CCSER1: variants seen among roughly 807,000 people sequenced by gnomAD.
CCSER1 encodes the protein coiled-coil serine rich protein 1.
A neutral mutation model predicts 82.0 loss-of-function variants in CCSER1; 41 were observed. The observed-to-expected ratio is 0.50, with a 90% CI of 0.39 to 0.65. The LOEUF (loss-of-function observed/expected upper bound fraction) is 0.65. Among genes scored for constraint, CCSER1 ranks in the 30% least tolerant of loss-of-function variants. The pLI is 0.00. For missense variants in CCSER1, 1,119 were observed against 1,064.2 expected (o/e 1.05, Z -0.72); for synonymous variants, 414 against 383.9 (o/e 1.08, Z -0.92).
rs545093832 is a variant in CCSER1 at position 90,412,474 on chromosome 4, A to AAT, written c.1603+12346_1603+12347insTA. On this transcript the variant is annotated intron_variant, in intron 4 of 10. Coordinates refer to ENST00000509176, the MANE Select transcript of CCSER1 (RefSeq NM_001145065.2). ...AAAACTTAAAGTATAATAATAATAAAAAAAAGAATTTTGAATGTTAAAAAA... is the reference window on the plus strand; with the variant it reads ...AAAACTTAAAGTATAATAATAATAAAATAAAAAGAATTTTGAATGTTAAAAAA... Among the ~76,000 whole-genome samples, 1,514 of 152,020 alleles carry AAT rather than the reference A, an allele frequency of 1.0e-2. 15 individuals are homozygous for AAT. The highest frequency in any genetic ancestry group is 0.03 in the South Asian group (144 of 4,820).
intron 9 of CCSER1, among the ~76,000 whole-genome samples, chr4:91,081,648 G>A (rs573231586): frequency 6.6e-6 from 1 of 152,280 alleles, no homozygotes; most frequent in Non-Finnish European, 1.5e-5. Context: ...TGACATGATT[G>A]TATATTTAGA....
rs767382455 is a variant in CCSER1, at chr4:90,614,315, T to C, written c.1725-13710T>C. Reference sequence around the variant, plus strand: ...CCCTATTCCCTAAGACACAACAATATTGAAATTAGATCAATTCTACAATGC... The same window carrying C: ...CCCTATTCCCTAAGACACAACAATACTGAAATTAGATCAATTCTACAATGC... On this transcript the variant is annotated intron_variant, in intron 5 of 10. Coordinates refer to ENST00000509176, the MANE Select transcript of CCSER1 (RefSeq NM_001145065.2). 2.0e-5 allele frequency among the ~76,000 whole-genome samples: 3 copies of C among 152,122 alleles called. No individual in the cohort carries two copies. The East Asian group carries it at 5.8e-4, about 29-fold the overall frequency.
rs1442252954 is a variant in CCSER1, at chr4:91,285,955, C to T, written c.2217+199961C>T. Among the ~76,000 whole-genome samples the T allele has an allele frequency of 3.3e-5, 5 of 150,822 alleles. No homozygotes were observed. In the East Asian group the frequency reaches 9.7e-4, roughly 29 times the overall value. On this transcript the variant is annotated intron_variant, in intron 10 of 10. Coordinates refer to ENST00000509176, the MANE Select transcript of CCSER1 (RefSeq NM_001145065.2). The stretch of plus-strand genomic sequence containing the variant: ...GAAATTTTATAGTTGGTTCTTGATT[C>T]TAGCGTGTTTGTTTTGTTTTTTTTT...
chr4:90,312,883 C>A lies in CCSER1; in HGVS notation c.1345C>A (p.Pro449Thr), dbSNP rs1735554125. ...CATAGTTCTTGCCAGTAGTCTCAGT[C>A]CATTTCGTGAAGGAAGATTTATAGA... The part of the protein sequence containing the change: ...PAKVLASSLS[P>T]FREGRFIERR... Residue 449 changes from proline (P) to threonine (T), a missense_variant, in exon 3 of 11, where the codon CCA becomes ACA. Pro to Thr is a conservative substitution (Grantham distance 38). Coordinates refer to ENST00000509176, the MANE Select transcript of CCSER1 (RefSeq NM_001145065.2). 6.4e-7 allele frequency: 1 copy of A among 1,571,394 alleles called. No individual in the cohort carries two copies. Among genetic ancestry groups the A allele is most frequent in the Non-Finnish European group, 8.6e-7 (1 of 1,156,584 alleles).
At chr4:90,389,947 C>T (rs1386538419) in intron 3 of CCSER1, among the ~76,000 whole-genome samples, 1 of 152,068 alleles carries the variant, frequency 6.6e-6, no homozygotes, top group Non-Finnish European at 1.5e-5. Flanking sequence ...TTTAACTTGT[C>T]TGTCATTATC....
chr4:91,004,600 G>T (rs1258425776), intron 9 of CCSER1, among the ~76,000 whole-genome samples: 1 of 152,142 alleles, frequency 6.6e-6, no homozygotes, highest in Non-Finnish European at 1.5e-5. Context: ...CCTTCCAAAA[G>T]GTGCCTGAGT....
chr4:91,142,124 C>T (rs1581634750), intron 10 of CCSER1, among the ~76,000 whole-genome samples: 1 of 152,070 alleles, frequency 6.6e-6, no homozygotes, highest in Admixed American at 6.6e-5. Context: ...TAATAATCCC[C>T]ACGTGTCAAG....
At chr4:91,111,247 A>C (rs1726070409) in intron 10 of CCSER1, among the ~76,000 whole-genome samples, 1 of 152,018 alleles carries the variant, frequency 6.6e-6, no homozygotes, top group Non-Finnish European at 1.5e-5. Context: ...GACACTCATC[A>C]CTTTTATCTA....
At chr4:90,171,104 C>T (rs1019238660) in intron 1 of CCSER1, among the ~76,000 whole-genome samples, 3 of 150,928 alleles carry the variant, frequency 2.0e-5, no homozygotes, top group Non-Finnish European at 4.4e-5. Flanking sequence ...ATCTCATGTA[C>T]CCCATAAATA....
intron 10 of CCSER1, among the ~76,000 whole-genome samples, chr4:91,540,582 T>C (rs1761536468): frequency 6.6e-6 from 1 of 152,164 alleles, no homozygotes; most frequent in African/African-American, 2.4e-5. Context: ...ATCAATTATT[T>C]CTTTTATAGA....
At chr4:91,244,506 AAGTC>A (rs1368767650) in intron 10 of CCSER1, among the ~76,000 whole-genome samples, 1 of 152,156 alleles carries the variant, frequency 6.6e-6, no homozygotes, top group African/African-American at 2.4e-5. Context: ...ATTTGGGAGA[AAGTC>A]AGAGAAAAGA....
At chr4:91,498,757 C>T (rs1019081111) in intron 10 of CCSER1, among the ~76,000 whole-genome samples, 1 of 151,628 alleles carries the variant, frequency 6.6e-6, no homozygotes, top group South Asian at 2.1e-4. Flanking sequence ...TTATAATATC[C>T]ACTTCTCTTT....
At chr4:90,959,770 T>G (rs2150372788) in intron 9 of CCSER1, among the ~76,000 whole-genome samples, 1 of 150,904 alleles carries the variant, frequency 6.6e-6, no homozygotes, top group South Asian at 2.1e-4. Context: ...TTTTCTCTGA[T>G]AGCAATTTGC....
chr4:91,598,889 A>G lies in CCSER1; in HGVS notation c.2535A>G (p.Lys845=), dbSNP rs946539135. 1 of 1,551,610 alleles carries G rather than the reference A, an allele frequency of 6.4e-7. No homozygotes were observed. Among genetic ancestry groups the G allele is most frequent in the South Asian group, 1.2e-5 (1 of 84,060 alleles). ...AAGGGCTCTCCACGTTCTTAGAGAA[A>G]CCAAAGGACCAAGTTGCTACGGCCC... ...KTEGLSTFLE[K]PKDQVATARQ... is the part of the protein sequence containing the mutation. Residue 845 remains lysine (K), a synonymous_variant, in exon 11 of 11, where the codon AAA becomes AAG. Coordinates refer to ENST00000509176, the MANE Select transcript of CCSER1 (RefSeq NM_001145065.2).
intron 10 of CCSER1, among the ~76,000 whole-genome samples, chr4:91,406,815 G>A (rs1317574663): frequency 6.6e-6 from 1 of 151,946 alleles, no homozygotes; most frequent in Non-Finnish European, 1.5e-5. Context: ...AAAACTTGAG[G>A]CACTAGACAG....
At position 91,578,398 on chromosome 4, in the gene CCSER1, C is replaced by G. The variant is rs187463295; in HGVS notation, c.2218-20174C>G. On this transcript the variant is annotated intron_variant, in intron 10 of 10. Coordinates refer to ENST00000509176, the MANE Select transcript of CCSER1 (RefSeq NM_001145065.2). ...TATAAGAATACTCAGAATATATGTACTTAATAAATGTATCAGATTGCTGGG... is the reference window on the plus strand; with the variant it reads ...TATAAGAATACTCAGAATATATGTAGTTAATAAATGTATCAGATTGCTGGG... Among the ~76,000 whole-genome samples the G allele has an allele frequency of 1.9e-3, 294 of 151,876 alleles. 4 individuals carry two copies. The highest frequency in any genetic ancestry group is 6.7e-3 in the African/African-American group (278 of 41,466).
At chr4:91,267,847 A>G (rs1323440056) in intron 10 of CCSER1, among the ~76,000 whole-genome samples, 1 of 152,210 alleles carries the variant, frequency 6.6e-6, no homozygotes, top group African/African-American at 2.4e-5. Flanking sequence ...TGTAAGTTAA[A>G]ATGATATAAA....
intron 10 of CCSER1, among the ~76,000 whole-genome samples, chr4:91,147,240 C>G (rs139191112): frequency 6.6e-6 from 1 of 152,178 alleles, no homozygotes; most frequent in African/African-American, 2.4e-5. Context: ...GTGGCACTAA[C>G]AGCCTGGTAT....
At chr4:90,330,168 C>T (rs1185332205) in intron 3 of CCSER1, among the ~76,000 whole-genome samples, 1 of 152,084 alleles carries the variant, frequency 6.6e-6, no homozygotes, top group African/African-American at 2.4e-5. Flanking sequence ...AGTTTTTGCA[C>T]TTGTCTTTCT....
Sources: gnomAD v4.1 joint callset for allele counts (sites outside exome capture counted in the v4.1 genomes callset) on GRCh38, gnomAD v4.1.1 for gene constraint, MANE v1.5 for transcripts, NCBI Gene and HGNC (gene_info 2026-07-23, HGNC 2026-07-21) for gene names.